CNTN4: variants seen among roughly 807,000 people sequenced by gnomAD.
CNTN4 encodes contactin-4.
CNTN4 carries 77 observed loss-of-function variants against 122.5 expected under a neutral mutation model. The ratio of observed to expected loss-of-function variants is 0.63; its 90% CI spans 0.52 to 0.76. The LOEUF (loss-of-function observed/expected upper bound fraction) is 0.76. Among genes scored for constraint, CNTN4 ranks in the 30% least tolerant of loss-of-function variants. The pLI is 0.00. For missense variants in CNTN4, 1,256 were observed against 1,259.1 expected (o/e 1.00, Z 0.04); for synonymous variants, 512 against 447.0 (o/e 1.15, Z -1.83).
chr3:2,949,773 T>G (rs748573287), intron 13 of CNTN4, among the ~76,000 whole-genome samples: 7 of 152,242 alleles, frequency 4.6e-5, no homozygotes, highest in Non-Finnish European at 1.0e-4. Context: ...TTTGCATAAT[T>G]TAACTTTGCT....
chr3:2,256,121 C>G (rs1370600049), intron 2 of CNTN4, among the ~76,000 whole-genome samples: 3 of 152,142 alleles, frequency 2.0e-5, no homozygotes, highest in African/African-American at 7.2e-5. Flanking sequence ...CACCACTGAT[C>G]CCATAGAAAT....
intron 3 of CNTN4, among the ~76,000 whole-genome samples, chr3:2,370,774 T>A (rs191073977): frequency 6.6e-6 from 1 of 152,124 alleles, no homozygotes; most frequent in African/African-American, 2.4e-5. Context: ...TTTTAGAGAT[T>A]TATCCCAATT....
At chr3:2,463,343 T>C (rs1480776136) in intron 3 of CNTN4, among the ~76,000 whole-genome samples, 1 of 152,224 alleles carries the variant, frequency 6.6e-6, no homozygotes, top group Non-Finnish European at 1.5e-5. Context: ...TAAAAGCATG[T>C]GGGAGGACCT....
intron 7 of CNTN4, among the ~76,000 whole-genome samples, chr3:2,832,572 T>C (rs1189471180): frequency 6.6e-6 from 1 of 152,116 alleles, no homozygotes; most frequent in Non-Finnish European, 1.5e-5. Context: ...AGGAGTATTA[T>C]AGACAGAACA....
intron 13 of CNTN4, among the ~76,000 whole-genome samples, chr3:2,928,444 T>G (rs1012525595): frequency 3.9e-5 from 6 of 152,182 alleles, no homozygotes; most frequent in African/African-American, 1.4e-4. Flanking sequence ...ATGAAACTGA[T>G]GAGTAAAAAA....
At chr3:2,484,278 C>G (rs150374024) in intron 3 of CNTN4, among the ~76,000 whole-genome samples, 138 of 152,236 alleles carry the variant, frequency 9.1e-4, no homozygotes, top group African/African-American at 3.2e-3. Flanking sequence ...GAACAATAAG[C>G]CAATCTTGGA....
chr3:2,535,820 A>G (rs2077781962), intron 3 of CNTN4, among the ~76,000 whole-genome samples: 1 of 152,302 alleles, frequency 6.6e-6, no homozygotes, highest in East Asian at 1.9e-4. Flanking sequence ...CTCAAAATAG[A>G]CTGAGTCAAA....
chr3:2,130,951 C>G (rs1365392469), intron 2 of CNTN4, among the ~76,000 whole-genome samples: 1 of 152,134 alleles, frequency 6.6e-6, no homozygotes, highest in Non-Finnish European at 1.5e-5. Context: ...TCTTTTTCAG[C>G]TGAGGTCAGG....
chr3:2,347,696 C>T (rs999461909), intron 3 of CNTN4, among the ~76,000 whole-genome samples: 1 of 152,038 alleles, frequency 6.6e-6, no homozygotes, highest in East Asian at 1.9e-4. Flanking sequence ...AAGCGTGAGC[C>T]ACCATGCCTG....
At chr3:2,614,372 C>T (rs1030710481) in intron 4 of CNTN4, among the ~76,000 whole-genome samples, 6 of 152,006 alleles carry the variant, frequency 3.9e-5, no homozygotes, top group African/African-American at 4.8e-5. Flanking sequence ...GATTTTGATT[C>T]TGAATATAAT....
intron 2 of CNTN4, among the ~76,000 whole-genome samples, chr3:2,320,933 A>C (rs1440822116): frequency 6.6e-6 from 1 of 152,154 alleles, no homozygotes; most frequent in Non-Finnish European, 1.5e-5. Flanking sequence ...TCTAAAAAAT[A>C]TCCTGGAATT....
At chr3:2,702,088 TTTG>T (rs140218678) in intron 4 of CNTN4, among the ~76,000 whole-genome samples, 1,937 of 152,294 alleles carry the variant, frequency 0.013, 30 homozygotes, top group African/African-American at 0.039. Context: ...GGCTCTAAGC[TTTG>T]TTGTTTTCTA....
intron 3 of CNTN4, among the ~76,000 whole-genome samples, chr3:2,569,790 T>C (rs1251362666): frequency 6.6e-6 from 1 of 152,124 alleles, no homozygotes; most frequent in Non-Finnish European, 1.5e-5. Flanking sequence ...GATGAATAGG[T>C]AGCACTCTGC....
Position 2,887,049 on chromosome 3 carries a change from A to G in CNTN4, c.765A>G (p.Pro255=). 2 of 1,613,834 alleles carry G rather than the reference A, an allele frequency of 1.2e-6. No homozygotes were observed. The highest frequency in any genetic ancestry group is 1.7e-5 in the Admixed American group (1 of 60,002). ...TTATTCTTGCTATCAGTCCAGTACCAACTATTATCTGGCGAAGAGCTGATG... is the reference window on the plus strand; with the variant it reads ...TTATTCTTGCTATCAGTCCAGTACCGACTATTATCTGGCGAAGAGCTGATG... ...LECFALGNPV[P]TIIWRRADGK... Residue 255 remains proline (P), a synonymous_variant, in exon 10 of 25, where the codon CCA becomes CCG. Transcript: ENST00000418658.
At chr3:2,300,220 G>C (rs1035813498) in intron 2 of CNTN4, among the ~76,000 whole-genome samples, 2 of 152,108 alleles carry the variant, frequency 1.3e-5, no homozygotes, top group African/African-American at 2.4e-5. Context: ...ACTTTTCTTA[G>C]GATTTAGCTC....
intron 7 of CNTN4, among the ~76,000 whole-genome samples, chr3:2,865,491 A>G (rs575526798): frequency 5.3e-5 from 8 of 152,350 alleles, no homozygotes; most frequent in African/African-American, 1.7e-4. Flanking sequence ...GCTCAGGATC[A>G]TATGAAAAAG....
At chr3:3,025,405 G>C (rs942508517) in intron 14 of CNTN4, among the ~76,000 whole-genome samples, 3 of 152,036 alleles carry the variant, frequency 2.0e-5, no homozygotes, top group Non-Finnish European at 4.4e-5. Context: ...GGTTAAAACT[G>C]TAAGCTTAAA....
At position 2,168,559 on chromosome 3, in the gene CNTN4, A is replaced by G. The variant is rs528140574; in HGVS notation, c.-145+67920A>G. On this transcript the variant is annotated intron_variant, in intron 2 of 24. Transcript: ENST00000418658. Reference sequence around the variant, plus strand: ...ACTCGAGAGGCTAGAAAATGACATTATAAAACAAAATAAATTAATAAAAAG... The same window carrying G: ...ACTCGAGAGGCTAGAAAATGACATTGTAAAACAAAATAAATTAATAAAAAG... Among the ~76,000 whole-genome samples the G allele has an allele frequency of 7.2e-5, 11 of 152,184 alleles. 1 individual carries two copies. Among genetic ancestry groups the G allele is most frequent in the African/African-American group, 2.4e-4 (10 of 41,516 alleles).
intron 10 of CNTN4, among the ~76,000 whole-genome samples, chr3:2,891,126 T>A (rs943598288): frequency 1.1e-4 from 16 of 152,124 alleles, no homozygotes; most frequent in Non-Finnish European, 2.4e-4. Flanking sequence ...GCAAATAAAT[T>A]AACTAGGAAA....
Sources: gnomAD v4.1 joint callset for allele counts (sites outside exome capture counted in the v4.1 genomes callset) on GRCh38, gnomAD v4.1.1 for gene constraint, MANE v1.5 for transcripts, NCBI Gene and HGNC (gene_info 2026-07-23, HGNC 2026-07-21) for gene names.